Variants in ZNF609 observed in about 807,000 individuals in gnomAD.
ZNF609 encodes the protein zinc finger protein 609.
In ZNF609, 11 loss-of-function variants were observed where a neutral mutation model predicts 109.5. The ratio of observed to expected loss-of-function variants is 0.10; its 90% CI spans 0.06 to 0.17. The LOEUF (loss-of-function observed/expected upper bound fraction) is 0.17, where lower values mean the gene tolerates loss of function less well. ZNF609 is among the 10% of genes least tolerant of loss of function. The pLI, the probability that ZNF609 is intolerant of heterozygous loss-of-function variation, is 1.00. For synonymous variants in ZNF609, 646 were observed against 662.0 expected, an observed-to-expected ratio of 0.98 and a Z score of 0.37; for missense variants, 1,559 against 1,772.4, an observed-to-expected ratio of 0.88 and a Z score of 2.16.
chr15:64,523,307 A>G (rs893673970), intron 2 of ZNF609, among the ~76,000 whole-genome samples: 1 of 152,182 alleles, frequency 6.6e-6, no homozygotes, highest in Non-Finnish European at 1.5e-5. Flanking sequence ...GCATAACTGG[A>G]GAGAAACAGC....
At chr15:64,498,526 G>A (rs1182878978) in intron 1 of ZNF609, among the ~76,000 whole-genome samples, 1 of 152,076 alleles carries the variant, frequency 6.6e-6, no homozygotes, top group Non-Finnish European at 1.5e-5. Context: ...TTTTCATAGA[G>A]TAAACATTTT....
At chr15:64,497,408 T>C (rs980423649) in intron 1 of ZNF609, among the ~76,000 whole-genome samples, 1 of 152,170 alleles carries the variant, frequency 6.6e-6, no homozygotes, top group African/African-American at 2.4e-5. Flanking sequence ...TCCCCTCCTT[T>C]GCTCTTCTAC....
chr15:64,470,912 T>C (rs1893082471), intron 1 of ZNF609, among the ~76,000 whole-genome samples: 1 of 152,240 alleles, frequency 6.6e-6, no homozygotes, highest in Admixed American at 6.5e-5. Flanking sequence ...GTTAATTATT[T>C]GATCTGGGAC....
At chr15:64,479,649 T>TACCA (rs1893223288) in intron 1 of ZNF609, among the ~76,000 whole-genome samples, 1 of 151,886 alleles carries the variant, frequency 6.6e-6, no homozygotes, top group Admixed American at 6.6e-5. Flanking sequence ...CTGGGTGTGG[T>TACCA]GGTTCACGCC....
chr15:64,529,406 A>G, intron 2 of ZNF609: 1 of 758,800 alleles, frequency 1.3e-6, no homozygotes, highest in Non-Finnish European at 2.4e-6. Flanking sequence ...CGCCAGCATC[A>G]CCCCATTTGA....
rs1896806061 is a variant in ZNF609 at position 64,676,034 on chromosome 15, G to A, written c.3180G>A (p.Val1060=). ...AGGCCCCCAGCCTGACAGACCTGGT[G>A]AAATCAGGACCTGGCAAGGCCAAGG... ...LTKAPSLTDL[V]KSGPGKAKEP... The change falls in exon 5 of 10, where the codon GTG becomes GTA. Residue 1060 remains valine, a synonymous_variant. Transcript: ENST00000326648. 2 of 1,614,104 alleles carry A rather than the reference G, an allele frequency of 1.2e-6. No individual in the cohort carries two copies. The highest frequency in any genetic ancestry group is 2.7e-5 in the African/African-American group (2 of 74,940).
intron 3 of ZNF609, among the ~76,000 whole-genome samples, chr15:64,668,059 A>G (rs1468309016): frequency 6.6e-6 from 1 of 152,208 alleles, no homozygotes; most frequent in Non-Finnish European, 1.5e-5. Context: ...CCATTTGAAG[A>G]CCTGTTGTAC....
rs529023700 is a variant in ZNF609 at position 64,572,825 on chromosome 15, C to G, written c.748-50002C>G. ...CTGAGGCAGGAGAATTGCTTGAAAC[C>G]GGGAGGCGGAAGTTGTGGTGAGCCA... On this transcript the variant is annotated intron_variant, in intron 2 of 9. Coordinates refer to ENST00000326648, the MANE Select transcript of ZNF609 (RefSeq NM_015042.2). Among the ~76,000 whole-genome samples, 274 of 152,202 alleles carry G rather than the reference C, an allele frequency of 1.8e-3. 1 individual carries two copies. The highest frequency in any genetic ancestry group is 6.3e-3 in the African/African-American group (260 of 41,532).
chr15:64,574,182 T>A (rs1168156121), intron 2 of ZNF609, among the ~76,000 whole-genome samples: 1 of 150,622 alleles, frequency 6.6e-6, no homozygotes, highest in Admixed American at 6.6e-5. Context: ...TTTTTTTTTT[T>A]TTTTTTTTTT....
chr15:64,665,971 A>AGGCTGAGG lies in ZNF609; in HGVS notation c.974-4374_974-4367dup, dbSNP rs575377018. ...AATAAACAAATGCCAGCTACTCAGG[A>AGGCTGAGG]GGCTGAGGCAGGAGAATCGCTTGAA... On this transcript the variant is annotated intron_variant, in intron 3 of 9. Coordinates refer to ENST00000326648, the MANE Select transcript of ZNF609 (RefSeq NM_015042.2). Among the ~76,000 whole-genome samples the AGGCTGAGG allele has an allele frequency of 1.9e-4, 29 of 151,588 alleles. No individual in the cohort carries two copies. In the East Asian group the frequency reaches 5.7e-3, roughly 30 times the overall value.
intron 2 of ZNF609, chr15:64,502,313 A>G (rs1893573119): frequency 6.6e-6 from 1 of 152,222 alleles, no homozygotes; most frequent in Non-Finnish European, 1.5e-5. Context: ...AATTATTTAA[A>G]TAAATGTTTG....
At chr15:64,538,521 G>A (rs1894191423) in intron 2 of ZNF609, among the ~76,000 whole-genome samples, 2 of 151,978 alleles carry the variant, frequency 1.3e-5, no homozygotes. Flanking sequence ...TGTAAAGTGT[G>A]GATTTTTGTT....
intron 3 of ZNF609, among the ~76,000 whole-genome samples, chr15:64,645,097 C>CCCTT (rs1401980746): frequency 1.4e-5 from 1 of 69,268 alleles, no homozygotes; most frequent in African/African-American, 5.0e-5. Context: ...CTCCCTCCCT[C>CCCTT]CCTCCCTCCC....
chr15:64,515,190 A>G lies in ZNF609; in HGVS notation c.747+15024A>G, dbSNP rs190765379. On this transcript the variant is annotated intron_variant, in intron 2 of 9. Transcript: ENST00000326648. ...TATGTATCTTGAAAACTACTGTACT[A>G]CCTTTGACAGTGAGGTGTTTTACCC... 1.0e-3 allele frequency among the ~76,000 whole-genome samples: 154 copies of G among 152,250 alleles called. 1 individual carries two copies. The highest frequency in any genetic ancestry group is 3.3e-3 in the African/African-American group (138 of 41,544).
chr15:64,536,636 G>C (rs915822841), intron 2 of ZNF609, among the ~76,000 whole-genome samples: 1 of 151,832 alleles, frequency 6.6e-6, no homozygotes, highest in Non-Finnish European at 1.5e-5. Flanking sequence ...CAGCACTTTG[G>C]GAGGCCGAGG....
chr15:64,557,701 T>TTC (rs983697854), intron 2 of ZNF609, among the ~76,000 whole-genome samples: 1 of 152,100 alleles, frequency 6.6e-6, no homozygotes, highest in African/African-American at 2.4e-5. Flanking sequence ...TAGAAAGATT[T>TTC]TCTGGTTTTT....
chr15:64,534,615 G>A lies in ZNF609; in HGVS notation c.747+34449G>A, dbSNP rs1055267227. 2.6e-5 allele frequency among the ~76,000 whole-genome samples: 4 copies of A among 151,846 alleles called. 1 individual carries two copies. The highest frequency in any genetic ancestry group is 5.9e-5 in the Non-Finnish European group (4 of 67,944). Reference sequence around the variant, plus strand: ...TAGGCATGAGCCACCGCGCCTGGCCGTGTTAACTTTTTTATACCATACCCA... The same window carrying A: ...TAGGCATGAGCCACCGCGCCTGGCCATGTTAACTTTTTTATACCATACCCA... On this transcript the variant is annotated intron_variant, in intron 2 of 9. Transcript: ENST00000326648.
intron 3 of ZNF609, among the ~76,000 whole-genome samples, chr15:64,633,560 G>GT (rs1196465250): frequency 2.0e-5 from 3 of 152,138 alleles, no homozygotes; most frequent in African/African-American, 7.2e-5. Flanking sequence ...GATTACAGGC[G>GT]TAAGGCACTG....
At chr15:64,673,432 C>A (rs1896764221) in intron 4 of ZNF609, among the ~76,000 whole-genome samples, 1 of 152,218 alleles carries the variant, frequency 6.6e-6, no homozygotes, top group African/African-American at 2.4e-5. Context: ...TTGGTTATAT[C>A]TGATGTTTAG....
Sources: allele counts gnomAD v4.1 joint callset (sites outside exome capture counted in the v4.1 genomes callset), GRCh38; gene constraint gnomAD v4.1.1; transcripts MANE v1.5; gene names NCBI Gene and HGNC (gene_info 2026-07-23, HGNC 2026-07-21).